Variants in COL23A1 observed in about 807,000 individuals in gnomAD.
The protein encoded by COL23A1 is collagen alpha-1(XXIII) chain.
In COL23A1, 97 loss-of-function variants were observed where a neutral mutation model predicts 99.3. The ratio of observed to expected loss-of-function variants is 0.98; its 90% CI spans 0.83 to 1.16. The LOEUF (loss-of-function observed/expected upper bound fraction) is 1.16, where lower values mean the gene tolerates loss of function less well. COL23A1 is among the 50% of genes most tolerant of loss of function. The pLI, the probability that COL23A1 is intolerant of heterozygous loss-of-function variation, is 0.00. For missense variants in COL23A1, 762 were observed against 757.4 expected, an observed-to-expected ratio of 1.01 and a Z score of -0.07; for synonymous variants, 320 against 308.2, an observed-to-expected ratio of 1.04 and a Z score of -0.40.
chr5:178,308,735 AT>A lies in COL23A1; in HGVS notation c.362-1817del. Among the ~76,000 whole-genome samples, 1 of 151,946 alleles carries A rather than the reference AT, an allele frequency of 6.6e-6. No individual in the cohort carries two copies. The highest frequency in any genetic ancestry group is 1.5e-5 in the Non-Finnish European group (1 of 68,014). On this transcript the variant is annotated intron_variant, in intron 2 of 28. Coordinates refer to ENST00000390654, the MANE Select transcript of COL23A1 (RefSeq NM_173465.4). This position sits in a 1 kb window ranked among gnomAD's most constrained non-coding sequence, Gnocchi z 5.1. The stretch of plus-strand genomic sequence containing the variant: ...CTCCCCAGTGCCCTGTGCGGGGCTG[AT>A]GGTGCCTGGGAACCTCCAGAGCCAG...
intron 2 of COL23A1, among the ~76,000 whole-genome samples, chr5:178,320,084 A>C (rs1271567784): frequency 6.7e-6 from 1 of 149,382 alleles, no homozygotes; most frequent in Non-Finnish European, 1.5e-5. Flanking sequence ...TCAATTTTCA[A>C]GTGCCTGCCT....
chr5:178,539,545 CAAAAAA>C lies in COL23A1; in HGVS notation c.361+21131_361+21136del, dbSNP rs58424731. Among the ~76,000 whole-genome samples the C allele has an allele frequency of 5.5e-4, 43 of 78,388 alleles. 1 individual carries two copies. The East Asian group carries it at 8.5e-3, about 15-fold the overall frequency. The allele number at this position is 78,388 out of a possible 152,430, so 51.4% of individuals were successfully genotyped here. On this transcript the variant is annotated intron_variant, in intron 2 of 28. Transcript: ENST00000390654. ...TGGGTGACAGAGCAAGACTCTGTCT[CAAAAAA>C]AAAAAAAAAAAAAAAAAGAAAAAGA...
At chr5:178,283,871 A>C (rs1416325219) in intron 5 of COL23A1, among the ~76,000 whole-genome samples, 1 of 152,178 alleles carries the variant, frequency 6.6e-6, no homozygotes, top group Non-Finnish European at 1.5e-5. Flanking sequence ...TGAGCTTCTA[A>C]TTATTCATTC....
intron 1 of COL23A1, among the ~76,000 whole-genome samples, chr5:178,576,980 G>T (rs1315336053): frequency 6.6e-6 from 1 of 151,806 alleles, no homozygotes; most frequent in African/African-American, 2.4e-5. Flanking sequence ...CGCAGCGCCC[G>T]GGGAGCGGCC....
intron 5 of COL23A1, among the ~76,000 whole-genome samples, chr5:178,282,563 T>C (rs995978135): frequency 4.6e-5 from 7 of 152,220 alleles, no homozygotes; most frequent in Admixed American, 2.6e-4. Flanking sequence ...TCACATAGCC[T>C]GGGTGCTAAT....
chr5:178,487,166 T>C (rs1343345597), intron 2 of COL23A1, among the ~76,000 whole-genome samples: 3 of 152,002 alleles, frequency 2.0e-5, no homozygotes, highest in Non-Finnish European at 4.4e-5. Context: ...CAGGACGCTC[T>C]CAGAATCTAG....
At chr5:178,345,197 C>A in intron 2 of COL23A1, 1 of 846,968 alleles carries the variant, frequency 1.2e-6, no homozygotes, top group Non-Finnish European at 1.9e-6. Context: ...CAGACTCCAC[C>A]AGATGTGCGG....
At chr5:178,425,315 G>C (rs1006812809) in intron 2 of COL23A1, among the ~76,000 whole-genome samples, 1 of 151,906 alleles carries the variant, frequency 6.6e-6, no homozygotes, top group African/African-American at 2.4e-5. Flanking sequence ...CCAGCTACTC[G>C]GGAGGCTGAG....
chr5:178,475,922 G>A lies in COL23A1; in HGVS notation c.361+84760C>T, dbSNP rs75410855. The stretch of plus-strand genomic sequence containing the variant: ...TAATTCTTCGAATTCCTTGGACATC[G>A]TCTATCTCTGATCTTTAGACCCAGA... On this transcript the variant is annotated intron_variant, in intron 2 of 28. Coordinates refer to ENST00000390654, the MANE Select transcript of COL23A1 (RefSeq NM_173465.4). Among the ~76,000 whole-genome samples, 1,284 of 152,304 alleles carry A rather than the reference G, an allele frequency of 8.4e-3. 13 individuals carry two copies. The highest frequency in any genetic ancestry group is 0.026 in the African/African-American group (1,086 of 41,564).
At chr5:178,275,344 G>A (rs542774467) in intron 5 of COL23A1, among the ~76,000 whole-genome samples, 4 of 152,338 alleles carry the variant, frequency 2.6e-5, no homozygotes, top group East Asian at 1.9e-4. Context: ...CCAAGAGGCC[G>A]GCAGCAGGAC....
At position 178,366,849 on chromosome 5, in the gene COL23A1, GTCCTGCCC is replaced by G. The variant is rs1040247712; in HGVS notation, c.362-59938_362-59931del. ...CTGACTCCTTCACCCAGGAAGCAGG[GTCCTGCCC>G]TCCTCTGCAGCCCCACGTGGCCCAC... On this transcript the variant is annotated intron_variant, in intron 2 of 28. Coordinates refer to ENST00000390654, the MANE Select transcript of COL23A1 (RefSeq NM_173465.4). The surrounding 1 kb of genome is among the most constrained non-coding windows in gnomAD (Gnocchi z 4.4). Among the ~76,000 whole-genome samples, 3 of 152,306 alleles carry G rather than the reference GTCCTGCCC, an allele frequency of 2.0e-5. No individual in the cohort carries two copies. Among genetic ancestry groups the G allele is most frequent in the African/African-American group, 2.4e-5 (1 of 41,566 alleles).
intron 2 of COL23A1, among the ~76,000 whole-genome samples, chr5:178,400,329 T>A (rs867189663): frequency 7.8e-6 from 1 of 128,138 alleles, no homozygotes; most frequent in Non-Finnish European, 1.5e-5. Flanking sequence ...ATCGCGCCAC[T>A]GCACTCCAGC....
In COL23A1 at chr5:178,340,006, G is replaced by C. The variant is rs543941163; in HGVS notation, c.362-33087C>G. Among the ~76,000 whole-genome samples the C allele has an allele frequency of 2.0e-5, 3 of 152,152 alleles. No individual in the cohort carries two copies. Among genetic ancestry groups the C allele is most frequent in the Admixed American group, 6.5e-5 (1 of 15,278 alleles). On this transcript the variant is annotated intron_variant, in intron 2 of 28. Coordinates refer to ENST00000390654, the MANE Select transcript of COL23A1 (RefSeq NM_173465.4). The surrounding 1 kb of genome is among the most constrained non-coding windows in gnomAD (Gnocchi z 4.7). Reference sequence around the variant, plus strand: ...TTAGGTGGTGGGATGGGTGGGTGGCGGGTGGCTGTTGGGGGATGAAGAGAT... The same window carrying C: ...TTAGGTGGTGGGATGGGTGGGTGGCCGGTGGCTGTTGGGGGATGAAGAGAT...
intron 1 of COL23A1, among the ~76,000 whole-genome samples, chr5:178,581,411 C>T (rs1030321222): frequency 2.6e-5 from 4 of 151,830 alleles, no homozygotes; most frequent in Non-Finnish European, 5.9e-5. Flanking sequence ...ACTAAAAATA[C>T]AAAAATTAGC....
intron 5 of COL23A1, among the ~76,000 whole-genome samples, chr5:178,278,942 T>C (rs1756742523): frequency 6.6e-6 from 1 of 152,176 alleles, no homozygotes; most frequent in African/African-American, 2.4e-5. Flanking sequence ...AGAGTGGAGC[T>C]GAAGCAATGT....
At chr5:178,257,691 C>G (rs1765384863) in intron 12 of COL23A1, 124 bp from the exon 13 acceptor site, 1 of 954,052 alleles carries the variant, frequency 1.0e-6, no homozygotes, top group African/African-American at 1.6e-5. Flanking sequence ...TGGTACCAGG[C>G]AGCTCCTCCC....
At chr5:178,562,190 C>T (rs951357045) in intron 1 of COL23A1, 3 of 441,080 alleles carry the variant, frequency 6.8e-6, no homozygotes, top group African/African-American at 4.1e-5. Context: ...TGCAGTGAGC[C>T]GAGATCGCGA....
At chr5:178,419,693 T>C (rs936394421) in intron 2 of COL23A1, among the ~76,000 whole-genome samples, 6 of 152,176 alleles carry the variant, frequency 3.9e-5, no homozygotes, top group African/African-American at 1.2e-4. Context: ...TCAGTACTTC[T>C]ATATCTGAGT....
rs1415185763 is a variant in COL23A1, at chr5:178,245,229, A to G, written c.1440+713T>C. ...CTCATCATCTATCATCCATCCATCCATCCATCCACCCACCCATCCACTCAT... is the reference window on the plus strand; with the variant it reads ...CTCATCATCTATCATCCATCCATCCGTCCATCCACCCACCCATCCACTCAT... On this transcript the variant is annotated intron_variant, in intron 25 of 28. Coordinates refer to ENST00000390654, the MANE Select transcript of COL23A1 (RefSeq NM_173465.4). 1.4e-5 allele frequency among the ~76,000 whole-genome samples: 2 copies of G among 138,106 alleles called. 1 individual carries two copies. Among genetic ancestry groups the G allele is most frequent in the African/African-American group, 5.6e-5 (2 of 35,962 alleles). The allele number at this position is 138,106 out of a possible 152,430, so 90.6% of individuals were successfully genotyped here. A position where few individuals can be genotyped will look rare whatever the true frequency, so the allele number is the denominator to read the frequency against.
Sources: gnomAD v4.1 joint callset for allele counts (sites outside exome capture counted in the v4.1 genomes callset) on GRCh38, gnomAD v4.1.1 for gene constraint, Gnocchi (gnomAD v3.1) non-coding constraint, MANE v1.5 for transcripts, NCBI Gene and HGNC (gene_info 2026-07-23, HGNC 2026-07-21) for gene names.